SMARCA5: variants seen among roughly 807,000 people sequenced by gnomAD.
SMARCA5 encodes SNF2 related chromatin remodeling ATPase 5.
Under a neutral mutation model 140.4 loss-of-function variants are expected in SMARCA5, and 18 were observed. That is an observed-to-expected ratio of 0.13 (90% CI 0.09 to 0.19). The LOEUF is 0.19. SMARCA5 is among the 10% of genes least tolerant of loss of function. The pLI is 1.00. For missense variants in SMARCA5, 606 were observed against 1,276.8 expected (o/e 0.47, Z 8.01); for synonymous variants, 449 against 419.6 (o/e 1.07, Z -0.86).
chr4:143,555,485 T>C lies in SMARCA5; in HGVS notation c.*2301T>C. The stretch of plus-strand genomic sequence containing the variant: ...GAAAGTAAAGCATTCCAACACAGGG[T>C]TTCAGTGTAGATTGTTTTGTTTTGT... On this transcript the variant is annotated 3_prime_UTR_variant, in exon 24 of 24. Transcript: ENST00000283131. 1 of 500,468 alleles carries C rather than the reference T, an allele frequency of 2.0e-6. No homozygotes were observed. The highest frequency in any genetic ancestry group is 2.9e-5 in the Admixed American group (1 of 34,828). The allele number at this position is 500,468 out of a possible 1,614,324, so 31.0% of individuals were successfully genotyped here. A position where few individuals can be genotyped will look rare whatever the true frequency, so the allele number is the denominator to read the frequency against.
intron 18 of SMARCA5, 103 bp from the exon 19 acceptor site, chr4:143,545,822 T>C: frequency 9.1e-7 from 1 of 1,103,704 alleles, no homozygotes; most frequent in Non-Finnish European, 1.3e-6. Context: ...ATCAGTATAT[T>C]TTCTTTCCTG....
intron 7 of SMARCA5, 92 bp from the exon 8 acceptor site, chr4:143,528,491 G>T: frequency 1.8e-6 from 2 of 1,086,226 alleles, no homozygotes; most frequent in Non-Finnish European, 2.6e-6. Context: ...GTCTATCATT[G>T]TTGGGCATTT....
Position 143,543,967 on chromosome 4 carries a change from CA to C in SMARCA5, c.2171del (p.Lys724ArgfsTer108). The C allele has an allele frequency of 6.4e-7, 1 of 1,553,016 alleles. No individual in the cohort carries two copies. Among genetic ancestry groups the C allele is most frequent in the Non-Finnish European group, 8.7e-7 (1 of 1,151,702 alleles). ...CGAAGGAGAAGACTATAGAGAAAAA[CA>C]AAAGGTAATTTAGAAATAGGTTTGG... ...NFEGEDYREK[Q>X]KIAFTEWIEP... On this transcript the variant is annotated frameshift_variant, in exon 16 of 24. Transcript: ENST00000283131. LOFTEE classifies it high-confidence loss of function.
intron 22 of SMARCA5, among the ~76,000 whole-genome samples, chr4:143,548,467 G>T (rs1237959018): frequency 6.6e-6 from 1 of 151,956 alleles, no homozygotes; most frequent in Non-Finnish European, 1.5e-5. Context: ...TTGCATTCAA[G>T]CATCTGCACA....
intron 8 of SMARCA5, among the ~76,000 whole-genome samples, chr4:143,528,916 C>CT (rs1252408777): frequency 6.6e-6 from 1 of 151,900 alleles, no homozygotes; most frequent in Non-Finnish European, 1.5e-5. Context: ...TGGTTTCAAT[C>CT]TTATTTCATT....
At chr4:143,528,447 C>T (rs909303339) in intron 7 of SMARCA5, 136 bp from the exon 8 acceptor site, 14 of 646,370 alleles carry the variant, frequency 2.2e-5, no homozygotes, top group South Asian at 1.7e-4. Flanking sequence ...GCGTACTATT[C>T]GCTGATGTAT....
Position 143,550,071 on chromosome 4 carries a change from G to A in SMARCA5, c.3060G>A (p.Lys1020=). 2 of 1,586,864 alleles carry A rather than the reference G, an allele frequency of 1.3e-6. No individual in the cohort carries two copies. Among genetic ancestry groups the A allele is most frequent in the African/African-American group, 2.7e-5 (2 of 72,906 alleles). Residue 1020 remains lysine, a synonymous_variant, in exon 23 of 24, where the codon AAG becomes AAA. Coordinates refer to ENST00000283131, the MANE Select transcript of SMARCA5 (RefSeq NM_003601.4). ...ACATGGAACTAGAAGAAAAGGAGAA[G>A]GCAGAGAAAAAGAAACGAGGACCAA... is the stretch of plus-strand genomic sequence containing the variant. ...RENMELEEKE[K]AEKKKRGPKP... is the part of the protein sequence containing the mutation.
chr4:143,546,436 T>G (rs1179038573), intron 19 of SMARCA5, among the ~76,000 whole-genome samples: 2 of 152,136 alleles, frequency 1.3e-5, no homozygotes, highest in African/African-American at 4.8e-5. Context: ...CCTTTAAAGC[T>G]TCATTTTCCT....
At chr4:143,553,012 C>A in intron 23 of SMARCA5, 107 bp from the exon 24 acceptor site, 1 of 797,180 alleles carries the variant, frequency 1.3e-6, no homozygotes, top group Non-Finnish European at 2.2e-6. Flanking sequence ...AGTCTCATAC[C>A]TATTACTTTG....
chr4:143,550,213 C>A, intron 23 of SMARCA5, 109 bp downstream of exon 23: 2 of 502,422 alleles, frequency 4.0e-6, no homozygotes, highest in Non-Finnish European at 6.9e-6. Context: ...GTGCACCCCT[C>A]CATTGCCTTT....
At chr4:143,518,330 C>G (rs1456063455) in intron 2 of SMARCA5, among the ~76,000 whole-genome samples, 1 of 152,088 alleles carries the variant, frequency 6.6e-6, no homozygotes, top group East Asian at 1.9e-4. Context: ...AATGTTTACT[C>G]CGTATCTGAC....
chr4:143,521,893 CA>C (rs58679947), intron 3 of SMARCA5, among the ~76,000 whole-genome samples: 2,164 of 44,712 alleles, frequency 0.048, 6 homozygotes, highest in Admixed American at 0.084. Flanking sequence ...CCCATCTCTA[CA>C]AAAAAAAAAA....
intron 23 of SMARCA5, among the ~76,000 whole-genome samples, chr4:143,552,137 G>A (rs1220829967): frequency 1.3e-5 from 2 of 151,744 alleles, no homozygotes; most frequent in Non-Finnish European, 2.9e-5. Context: ...ATTAATTCCT[G>A]GGTATTTTAT....
chr4:143,525,651 T>A, intron 5 of SMARCA5, 100 bp downstream of exon 5: 1 of 787,194 alleles, frequency 1.3e-6, no homozygotes, highest in Middle Eastern at 2.3e-4. Flanking sequence ...AGCAAATGGA[T>A]CCTCTCAGAA....
Position 143,554,738 on chromosome 4 carries a change from AAG to A in SMARCA5, c.*1556_*1557del, listed in dbSNP as rs936612747. On this transcript the variant is annotated 3_prime_UTR_variant, in exon 24 of 24. Transcript: ENST00000283131. ...AGGAATGGTTACTTATGAAAGGAAA[AAG>A]AATTTGTAAGAGTTATCACCTCAGT... The A allele has an allele frequency of 1.2e-5, 2 of 167,330 alleles. No homozygotes were observed. Among genetic ancestry groups the A allele is most frequent in the Admixed American group, 6.1e-5 (1 of 16,510 alleles). 10.4% of individuals were successfully genotyped at this position (167,330 alleles called of 1,614,324 possible). A position where few individuals can be genotyped will look rare whatever the true frequency, so the allele number is the denominator to read the frequency against.
chr4:143,528,843 ATAGT>A (rs1737125283), intron 8 of SMARCA5, 129 bp downstream of exon 8: 2 of 717,848 alleles, frequency 2.8e-6, no homozygotes, highest in South Asian at 2.5e-5. Flanking sequence ...TTTTATTTAC[ATAGT>A]TAGCCTGGTG....
At chr4:143,545,666 A>ATG in intron 18 of SMARCA5, 83 bp downstream of exon 18, 1 of 890,292 alleles carries the variant, frequency 1.1e-6, no homozygotes, top group Non-Finnish European at 1.8e-6. Context: ...TATTTATCTA[A>ATG]TTTGGACCTA....
At chr4:143,523,120 G>A (rs922741538) in intron 3 of SMARCA5, among the ~76,000 whole-genome samples, 4 of 151,700 alleles carry the variant, frequency 2.6e-5, no homozygotes, top group African/African-American at 9.7e-5. Flanking sequence ...TTCACTGCAA[G>A]TTGTGCCTCT....
At chr4:143,514,881 A>G (rs1195529370) in intron 1 of SMARCA5, among the ~76,000 whole-genome samples, 1 of 150,294 alleles carries the variant, frequency 6.7e-6, no homozygotes, top group African/African-American at 2.5e-5. Flanking sequence ...AAAAAAAAAA[A>G]TTAGTACCAC....
Sources: allele counts gnomAD v4.1 joint callset (sites outside exome capture counted in the v4.1 genomes callset), GRCh38; gene constraint gnomAD v4.1.1; transcripts MANE v1.5; gene names NCBI Gene and HGNC (gene_info 2026-07-23, HGNC 2026-07-21).